NAA16: variants seen among roughly 807,000 people sequenced by gnomAD.
NAA16 encodes NARG1-like protein.
In NAA16, 97 loss-of-function variants were observed where a neutral mutation model predicts 110.3. The ratio of observed to expected loss-of-function variants is 0.88; its 90% CI spans 0.75 to 1.04. The LOEUF is 1.04. Among genes scored for constraint, NAA16 ranks in the 50% least tolerant of loss-of-function variants. The pLI, the probability that NAA16 is intolerant of heterozygous loss-of-function variation, is 0.00. For synonymous variants in NAA16, 372 were observed against 330.6 expected (o/e 1.13, Z -1.36); for missense variants, 1,017 against 1,005.1 (o/e 1.01, Z -0.16).
chr13:41,358,528 T>A (rs1169064022), intron 11 of NAA16, 55 bp downstream of exon 11: 9 of 1,594,236 alleles, frequency 5.6e-6, no homozygotes, highest in Non-Finnish European at 7.7e-6. Context: ...ACTTTAAGAA[T>A]CCTTGGAGTT....
chr13:41,339,715 T>C (rs2139438533), intron 9 of NAA16, among the ~76,000 whole-genome samples: 1 of 152,226 alleles, frequency 6.6e-6, no homozygotes, highest in South Asian at 2.1e-4. Context: ...CCTGTCACCA[T>C]GCCCAGCTAA....
chr13:41,345,314 A>G (rs1398216206), intron 9 of NAA16, among the ~76,000 whole-genome samples: 2 of 152,202 alleles, frequency 1.3e-5, no homozygotes, highest in Admixed American at 6.5e-5. Context: ...CAAGCAGTAT[A>G]TGAGGGTTCT....
intron 5 of NAA16, 147 bp downstream of exon 5, chr13:41,323,337 G>T: frequency 3.9e-6 from 3 of 774,238 alleles, no homozygotes; most frequent in Admixed American, 2.9e-5. Context: ...TAAAATGTAG[G>T]ATTATTTTTC....
At chr13:41,359,072 C>G (rs1284588354) in intron 12 of NAA16, 110 bp downstream of exon 12, 1 of 925,438 alleles carries the variant, frequency 1.1e-6, no homozygotes, top group East Asian at 2.6e-5. Context: ...CATAAAAATT[C>G]ATTTTTATTA....
chr13:41,356,566 C>T (rs939864187), intron 10 of NAA16, among the ~76,000 whole-genome samples: 1 of 151,950 alleles, frequency 6.6e-6, no homozygotes, highest in African/African-American at 2.4e-5. Flanking sequence ...GATACCCAGT[C>T]CGCATTCACA....
At chr13:41,347,998 A>G (rs972888678) in intron 9 of NAA16, among the ~76,000 whole-genome samples, 1 of 152,054 alleles carries the variant, frequency 6.6e-6, no homozygotes, top group African/African-American at 2.4e-5. Context: ...TTGTAATGTC[A>G]AGGAAGTTCC....
In NAA16 at chr13:41,366,730, A is replaced by G. The variant is rs186142981; in HGVS notation, c.1540-709A>G. Among the ~76,000 whole-genome samples the G allele has an allele frequency of 2.9e-3, 446 of 152,344 alleles. 12 individuals carry two copies. Among genetic ancestry groups the G allele is most frequent in the Non-Finnish European group, 6.8e-4 (46 of 68,038 alleles). On this transcript the variant is annotated intron_variant, in intron 13 of 19. Coordinates refer to ENST00000379406, the MANE Select transcript of NAA16 (RefSeq NM_024561.5). ...TGTAGGTAGAGTAAGAGAAAACAAT[A>G]AAGTTCTGTATTTATATAACAGTTT...
intron 5 of NAA16, among the ~76,000 whole-genome samples, chr13:41,324,340 A>G (rs1244611827): frequency 7.3e-6 from 1 of 136,764 alleles, no homozygotes; most frequent in African/African-American, 2.7e-5. Context: ...GGTTAGATTT[A>G]GGTGTTTGCA....
chr13:41,370,921 T>C (rs1417167844), intron 15 of NAA16, among the ~76,000 whole-genome samples: 1 of 152,180 alleles, frequency 6.6e-6, no homozygotes, highest in African/African-American at 2.4e-5. Flanking sequence ...GCCATCATTG[T>C]TAACAGAAAA....
rs1328015124 is a variant in NAA16, at chr13:41,375,629, G to C, written c.*27G>C. 6.5e-7 allele frequency: 1 copy of C among 1,529,840 alleles called. No individual in the cohort carries two copies. Among genetic ancestry groups the C allele is most frequent in the Non-Finnish European group, 8.9e-7 (1 of 1,122,402 alleles). 94.8% of individuals were successfully genotyped at this position (1,529,840 alleles called of 1,614,324 possible). ...ATCTTCTAGAAAGTAGACTCCTATA[G>C]ACTCAAAGCTGAATTGAGATCAGGG... On this transcript the variant is annotated 3_prime_UTR_variant, in exon 20 of 20. Coordinates refer to ENST00000379406, the MANE Select transcript of NAA16 (RefSeq NM_024561.5).
intron 6 of NAA16, among the ~76,000 whole-genome samples, chr13:41,328,427 TCTTTA>T (rs956624940): frequency 6.6e-5 from 10 of 152,280 alleles, no homozygotes; most frequent in South Asian, 2.1e-4. Context: ...TTTGTGTGTG[TCTTTA>T]CTTATTTCAA....
At chr13:41,315,073 A>G (rs1444592373) in intron 1 of NAA16, among the ~76,000 whole-genome samples, 1 of 152,214 alleles carries the variant, frequency 6.6e-6, no homozygotes, top group Non-Finnish European at 1.5e-5. Flanking sequence ...ACACTAAATA[A>G]TAGCATAAAT....
intron 9 of NAA16, among the ~76,000 whole-genome samples, chr13:41,345,233 ACT>A (rs745987433): frequency 5.3e-5 from 8 of 152,086 alleles, no homozygotes; most frequent in Non-Finnish European, 7.4e-5. Flanking sequence ...TCAAATGGTA[ACT>A]CTATGTTTAA....
At position 41,372,828 on chromosome 13, in the gene NAA16, C is replaced by A; in HGVS notation, c.2153C>A (p.Ser718Tyr). The A allele has an allele frequency of 6.4e-7, 1 of 1,571,808 alleles. No homozygotes were observed. The highest frequency in any genetic ancestry group is 8.7e-7 in the Non-Finnish European group (1 of 1,155,344). Residue 718 changes from serine to tyrosine, a missense_variant and splice_region_variant, in exon 17 of 20, where the codon TCT (serine) becomes TAT (tyrosine). By Grantham distance (144) the Ser-to-Tyr change is moderately radical. Transcript: ENST00000379406. ...LHECLIRFSK[S>Y]VSNHSNLPDI... is the part of the protein sequence containing the mutation. ...GAATGTTTAATTAGATTTTCTAAAT[C>A]TGGTAAGTATAAAAAAGGACCATAT...
intron 9 of NAA16, among the ~76,000 whole-genome samples, chr13:41,339,949 G>A (rs1414028506): frequency 2.0e-5 from 3 of 152,122 alleles, no homozygotes; most frequent in Non-Finnish European, 4.4e-5. Context: ...AATCTTTGGT[G>A]AAGAAAAGGA....
At chr13:41,351,510 C>A (rs1188569896) in intron 9 of NAA16, among the ~76,000 whole-genome samples, 1 of 152,004 alleles carries the variant, frequency 6.6e-6, no homozygotes, top group Non-Finnish European at 1.5e-5. Flanking sequence ...TTTGTCTCTT[C>A]ATTGCGAAAA....
Position 41,376,661 on chromosome 13 carries a change from T to C in NAA16, c.*1059T>C, listed in dbSNP as rs562795480. 6.6e-6 allele frequency: 1 copy of C among 152,356 alleles called. No individual in the cohort carries two copies. Among genetic ancestry groups the C allele is most frequent in the South Asian group, 2.1e-4 (1 of 4,830 alleles). The allele number at this position is 152,356 out of a possible 1,614,324, so 9.4% of individuals were successfully genotyped here. A position where few individuals can be genotyped will look rare whatever the true frequency, so the allele number is the denominator to read the frequency against. ...AAATTAAAATGAAATGTTGTTGTTA[T>C]AGCCATGCATTGACCATTAAATGCA... On this transcript the variant is annotated 3_prime_UTR_variant, in exon 20 of 20. Transcript: ENST00000379406.
intron 8 of NAA16, among the ~76,000 whole-genome samples, chr13:41,334,994 A>G (rs1482581071): frequency 6.6e-6 from 1 of 152,130 alleles, no homozygotes. Flanking sequence ...TTAACCTCGT[A>G]TTTGGAGATT....
chr13:41,333,894 ACT>A (rs760006578), intron 8 of NAA16, among the ~76,000 whole-genome samples: 8 of 151,428 alleles, frequency 5.3e-5, no homozygotes, highest in African/African-American at 9.7e-5. Context: ...ACCATCCTAG[ACT>A]CTCTAGGACA....
Sources: gnomAD v4.1 joint callset for allele counts (sites outside exome capture counted in the v4.1 genomes callset) on GRCh38, gnomAD v4.1.1 for gene constraint, MANE v1.5 for transcripts, NCBI Gene and HGNC (gene_info 2026-07-23, HGNC 2026-07-21) for gene names.